Variants in HDAC4 observed in about 807,000 individuals in gnomAD.
HDAC4 encodes the protein histone deacetylase 4.
In HDAC4, 16 loss-of-function variants were observed where a neutral mutation model predicts 135.1. The observed-to-expected ratio is 0.12, with a 90% CI of 0.08 to 0.18. The LOEUF (loss-of-function observed/expected upper bound fraction) is 0.18. Among genes scored for constraint, HDAC4 ranks in the 10% least tolerant of loss-of-function variants. The pLI is 1.00. For missense variants in HDAC4, 1,143 were observed against 1,511.8 expected, an observed-to-expected ratio of 0.76 and a Z score of 4.05; for synonymous variants, 685 against 653.4, an observed-to-expected ratio of 1.05 and a Z score of -0.74.
At chr2:239,373,303 C>G (rs1414069927) in intron 1 of HDAC4, among the ~76,000 whole-genome samples, 1 of 152,194 alleles carries the variant, frequency 6.6e-6, no homozygotes, top group African/African-American at 2.4e-5. Context: ...AAAGCACGAT[C>G]TCTGCTGACT....
Position 239,240,827 on chromosome 2 carries a change from C to A in HDAC4, c.23-4163G>T, listed in dbSNP as rs1464175959. On this transcript the variant is annotated intron_variant, in intron 2 of 26. Coordinates refer to ENST00000543185, the MANE Select transcript of HDAC4 (RefSeq NM_001378414.1). This position sits in a 1 kb window ranked among gnomAD's most constrained non-coding sequence, Gnocchi z 4.5. ...TCCCTTTCGCGCCGACAGGACCCAG[C>A]CTGAACTGAGCATTGTTTGAGACTC... 2.0e-5 allele frequency among the ~76,000 whole-genome samples: 3 copies of A among 152,320 alleles called. No homozygotes were observed. Among genetic ancestry groups the A allele is most frequent in the Admixed American group, 6.5e-5 (1 of 15,296 alleles).
At chr2:239,096,903 C>T (rs894932612) in intron 16 of HDAC4, among the ~76,000 whole-genome samples, 22 of 152,144 alleles carry the variant, frequency 1.4e-4, no homozygotes, top group Non-Finnish European at 2.1e-4. Flanking sequence ...GCCACGTCCA[C>T]GGCCCGGGGC....
In HDAC4 at chr2:239,190,053, A is replaced by C; in HGVS notation, c.119T>G (p.Leu40Arg). The change falls in exon 4 of 27, where the codon CTG (leucine) becomes CGG (arginine). Residue 40 changes from leucine (L) to arginine (R), a missense_variant. Physicochemically the swap from Leu to Arg is moderately radical, Grantham distance 102 (BLOSUM62 -2). Coordinates refer to ENST00000543185, the MANE Select transcript of HDAC4 (RefSeq NM_001378414.1). ...STVDVATALP[L>R]QVAPSAVPMD... Reference sequence around the variant, plus strand: ...GGGCACTGCCGAGGGGGCCACTTGCAGAGGCAGCGCCGTGGCCACATCCAC... The same window carrying C: ...GGGCACTGCCGAGGGGGCCACTTGCCGAGGCAGCGCCGTGGCCACATCCAC... The C allele has an allele frequency of 6.2e-7, 1 of 1,602,254 alleles. No homozygotes were observed. The highest frequency in any genetic ancestry group is 8.5e-7 in the Non-Finnish European group (1 of 1,179,316).
At chr2:239,107,928 C>G in intron 15 of HDAC4, 122 bp downstream of exon 15, 1 of 1,247,878 alleles carries the variant, frequency 8.0e-7, no homozygotes, top group South Asian at 1.2e-5. Context: ...TGGCCCTTCC[C>G]CCGGGGCTGT....
intron 9 of HDAC4, among the ~76,000 whole-genome samples, chr2:239,137,191 C>T (rs932396896): frequency 2.2e-4 from 33 of 152,354 alleles, no homozygotes; most frequent in Non-Finnish European, 2.6e-4. Context: ...CCTGAGAAAT[C>T]GCAGGGCGTT....
intron 4 of HDAC4, among the ~76,000 whole-genome samples, chr2:239,182,696 A>G (rs996095070): frequency 4.6e-5 from 7 of 152,190 alleles, no homozygotes; most frequent in African/African-American, 1.7e-4. Context: ...GACAAACTGG[A>G]TTTCAACACT....
intron 3 of HDAC4, among the ~76,000 whole-genome samples, chr2:239,211,835 G>A (rs73098728): frequency 0.033 from 4,954 of 152,182 alleles, 253 homozygotes; most frequent in African/African-American, 0.11. Context: ...TCAAAAATAA[G>A]CCCCGAAAAA....
chr2:239,095,081 G>T, intron 16 of HDAC4, 25 bp from the exon 17 acceptor site: 1 of 1,613,708 alleles, frequency 6.2e-7, no homozygotes, highest in African/African-American at 1.3e-5. Flanking sequence ...GAGACGGTCA[G>T]AGAGGCCAAG....
chr2:239,135,997 A>G (rs1224259194), intron 9 of HDAC4, among the ~76,000 whole-genome samples: 1 of 152,242 alleles, frequency 6.6e-6, no homozygotes, highest in East Asian at 1.9e-4. Context: ...AACTACTGTG[A>G]TATTTAACAT....
At chr2:239,107,846 G>T (rs555828769) in intron 15 of HDAC4, among the ~76,000 whole-genome samples, 51 of 152,374 alleles carry the variant, frequency 3.3e-4, no homozygotes, top group African/African-American at 1.1e-3. Flanking sequence ...GAGGGTACGG[G>T]ACTCCAGGGA....
At chr2:239,268,000 T>C (rs879734064) in intron 2 of HDAC4, among the ~76,000 whole-genome samples, 5 of 152,270 alleles carry the variant, frequency 3.3e-5, no homozygotes, top group Admixed American at 1.3e-4. Flanking sequence ...AGGCTATACT[T>C]GAATTCCAGG....
At position 239,241,516 on chromosome 2, in the gene HDAC4, C is replaced by G. The variant is rs557879321; in HGVS notation, c.23-4852G>C. Among the ~76,000 whole-genome samples the G allele has an allele frequency of 7.9e-5, 12 of 152,302 alleles. No homozygotes were observed. In the South Asian group the frequency reaches 2.5e-3, roughly 32 times the overall value. ...CTTATTGATTCAGAGGAATTCTTTACAAATTCTGAACATTAATCCTCTGTC... is the reference window on the plus strand; with the variant it reads ...CTTATTGATTCAGAGGAATTCTTTAGAAATTCTGAACATTAATCCTCTGTC... On this transcript the variant is annotated intron_variant, in intron 2 of 26. Transcript: ENST00000543185.
chr2:239,103,475 T>C (rs1273070322), intron 15 of HDAC4, among the ~76,000 whole-genome samples: 1 of 152,214 alleles, frequency 6.6e-6, no homozygotes, highest in Non-Finnish European at 1.5e-5. Flanking sequence ...ACAGGAAAAT[T>C]AGTGTTCTTT....
intron 2 of HDAC4, among the ~76,000 whole-genome samples, chr2:239,276,188 C>T (rs1451665495): frequency 1.3e-5 from 2 of 152,246 alleles, no homozygotes; most frequent in Non-Finnish European, 2.9e-5. Flanking sequence ...CTGAAGATGG[C>T]AGACAAGTTA....
chr2:239,162,558 T>C (rs1371270191), intron 6 of HDAC4, among the ~76,000 whole-genome samples: 2 of 152,172 alleles, frequency 1.3e-5, no homozygotes, highest in African/African-American at 2.4e-5. Context: ...CAGGTGCCGG[T>C]TGCCAGCGAT....
chr2:239,333,684 T>C (rs966109599), intron 2 of HDAC4, among the ~76,000 whole-genome samples: 1 of 152,144 alleles, frequency 6.6e-6, no homozygotes, highest in Non-Finnish European at 1.5e-5. Context: ...TACATTAAGT[T>C]GAACCAAATG....
At chr2:239,164,075 A>G (rs2042983502) in intron 5 of HDAC4, 152 bp from the exon 6 acceptor site, 1 of 882,970 alleles carries the variant, frequency 1.1e-6, no homozygotes, top group African/African-American at 1.6e-5. Context: ...TCAAAGAACC[A>G]AGGCCGGGAG....
chr2:239,368,696 C>T (rs1259424304), intron 1 of HDAC4, among the ~76,000 whole-genome samples: 1 of 152,144 alleles, frequency 6.6e-6, no homozygotes, highest in Non-Finnish European at 1.5e-5. Flanking sequence ...GCCTCTCCTG[C>T]CCAGGTGAGG....
At chr2:239,256,512 T>A (rs1177099028) in intron 2 of HDAC4, among the ~76,000 whole-genome samples, 1 of 152,236 alleles carries the variant, frequency 6.6e-6, no homozygotes, top group Non-Finnish European at 1.5e-5. Context: ...AGGCCAGGAC[T>A]TCACCCCAGC....
Sources: gnomAD v4.1 joint callset for allele counts (sites outside exome capture counted in the v4.1 genomes callset) on GRCh38, gnomAD v4.1.1 for gene constraint, Gnocchi (gnomAD v3.1) non-coding constraint, MANE v1.5 for transcripts, NCBI Gene and HGNC (gene_info 2026-07-23, HGNC 2026-07-21) for gene names.